ANXA6: variants seen among roughly 807,000 people sequenced by gnomAD.
The protein encoded by ANXA6 is annexin A6.
A neutral mutation model predicts 95.4 loss-of-function variants in ANXA6; 71 were observed. The ratio of observed to expected loss-of-function variants is 0.74; its 90% confidence interval spans 0.61 to 0.91. The LOEUF is 0.91. ANXA6 is among the 40% of genes least tolerant of loss of function. ANXA6 has a pLI of 0.00. For missense variants in ANXA6, 830 were observed against 876.4 expected, an observed-to-expected ratio of 0.95 and a Z score of 0.67; for synonymous variants, 289 against 315.9, an observed-to-expected ratio of 0.91 and a Z score of 0.90.
In ANXA6 at chr5:151,101,065, C is replaced by T. The variant is rs1764533915; in HGVS notation, c.*383G>A. 2 of 477,948 alleles carry T rather than the reference C, an allele frequency of 4.2e-6. No individual in the cohort carries two copies. The highest frequency in any genetic ancestry group is 3.1e-5 in the South Asian group (2 of 64,436). The allele number at this position is 477,948 out of a possible 1,614,324, so 29.6% of individuals were successfully genotyped here. ...CCCGCCCAGCACATTCAACTGGCCCCTGCCACCAACCCCCTCATTCAAAGT... is the reference window on the plus strand; with the variant it reads ...CCCGCCCAGCACATTCAACTGGCCCTTGCCACCAACCCCCTCATTCAAAGT... On this transcript the variant is annotated 3_prime_UTR_variant, in exon 26 of 26. Transcript: ENST00000354546.
At chr5:151,150,766 G>A (rs1280181685) in intron 1 of ANXA6, 1 of 152,620 alleles carries the variant, frequency 6.6e-6, no homozygotes, top group African/African-American at 2.4e-5. Context: ...CCCGGGATGA[G>A]GCTGGAGGCC....
At chr5:151,156,204 C>T (rs913971244) in intron 1 of ANXA6, among the ~76,000 whole-genome samples, 4 of 152,254 alleles carry the variant, frequency 2.6e-5, no homozygotes, top group Non-Finnish European at 5.9e-5. Flanking sequence ...CTGCCCTCCC[C>T]AGTCCCATCC....
chr5:151,118,870 T>C (rs1390888983), intron 18 of ANXA6, among the ~76,000 whole-genome samples: 2 of 152,116 alleles, frequency 1.3e-5, no homozygotes, highest in African/African-American at 4.8e-5. Flanking sequence ...ACCTAGCCGA[T>C]TTAAACATTT....
At chr5:151,145,728 G>A (rs370816145) in intron 2 of ANXA6, among the ~76,000 whole-genome samples, 2 of 152,140 alleles carry the variant, frequency 1.3e-5, no homozygotes, top group Non-Finnish European at 2.9e-5. Context: ...GCAGCTCAAC[G>A]GCAGGGAGGC....
chr5:151,138,425 T>G (rs755066782), intron 5 of ANXA6, among the ~76,000 whole-genome samples: 1 of 152,166 alleles, frequency 6.6e-6, no homozygotes, highest in Non-Finnish European at 1.5e-5. Context: ...GGACACAATT[T>G]GTCTCCATGT....
chr5:151,149,288 A>G (rs188501128), intron 1 of ANXA6, among the ~76,000 whole-genome samples: 1 of 152,210 alleles, frequency 6.6e-6, no homozygotes, highest in East Asian at 1.9e-4. Context: ...GACAGGGTCT[A>G]CAGTGAAGGA....
intron 23 of ANXA6, among the ~76,000 whole-genome samples, chr5:151,107,167 A>G (rs1042707775): frequency 4.6e-5 from 7 of 152,228 alleles, no homozygotes; most frequent in African/African-American, 1.4e-4. Context: ...AACTTTGCGC[A>G]GGGCTTGGTG....
At chr5:151,131,686 T>TC (rs1765517456) in intron 10 of ANXA6, among the ~76,000 whole-genome samples, 2 of 151,872 alleles carry the variant, frequency 1.3e-5, no homozygotes, top group Admixed American at 1.3e-4. Context: ...TCACCGTGAG[T>TC]CCCACTGGCT....
At chr5:151,144,488 G>A (rs1208923691) in intron 2 of ANXA6, among the ~76,000 whole-genome samples, 8 of 152,128 alleles carry the variant, frequency 5.3e-5, no homozygotes, top group African/African-American at 1.4e-4. Context: ...GCCCAAAGTC[G>A]CTAAAGTCAT....
At position 151,112,903 on chromosome 5, in the gene ANXA6, A is replaced by G. The variant is rs185493332; in HGVS notation, c.1573-2259T>C. On this transcript the variant is annotated intron_variant, in intron 20 of 25. Coordinates refer to ENST00000354546, the MANE Select transcript of ANXA6 (RefSeq NM_001155.5). ...AGTCATAAAAGCATAAATACTGTAT[A>G]ATTTCACTTACATGAAGTCCCCAGT... Among the ~76,000 whole-genome samples the G allele has an allele frequency of 1.7e-3, 261 of 152,338 alleles. 1 individual carries two copies. Among genetic ancestry groups the G allele is most frequent in the Non-Finnish European group, 3.1e-3 (208 of 68,030 alleles).
chr5:151,122,761 C>T (rs182318504), intron 16 of ANXA6, among the ~76,000 whole-genome samples, 156 bp downstream of exon 16: 1 of 152,290 alleles, frequency 6.6e-6, no homozygotes, highest in East Asian at 1.9e-4. Context: ...CTGCCCAAAC[C>T]CAGTGCTGGA....
chr5:151,113,653 T>C (rs1419364281), intron 20 of ANXA6, among the ~76,000 whole-genome samples: 1 of 152,098 alleles, frequency 6.6e-6, no homozygotes, highest in African/African-American at 2.4e-5. Flanking sequence ...AAAAAAAAAG[T>C]GGTGGGACAC....
intron 22 of ANXA6, 56 bp downstream of exon 22, chr5:151,109,697 T>C: frequency 2.9e-6 from 4 of 1,384,454 alleles, no homozygotes; most frequent in Non-Finnish European, 4.0e-6. Context: ...TGAGAGGCTC[T>C]CATCAGATTC....
chr5:151,150,319 A>C (rs115645973), intron 1 of ANXA6, among the ~76,000 whole-genome samples: 1 of 152,138 alleles, frequency 6.6e-6, no homozygotes, highest in Non-Finnish European at 1.5e-5. Flanking sequence ...TTTGAGTTCA[A>C]GGTGATCTCA....
chr5:151,104,451 A>T (rs944485520), intron 24 of ANXA6, among the ~76,000 whole-genome samples: 2 of 152,180 alleles, frequency 1.3e-5, no homozygotes, highest in African/African-American at 4.8e-5. Context: ...AGCTATGTAA[A>T]TGTGGGCAAC....
chr5:151,126,779 C>T (rs186593074), intron 13 of ANXA6, among the ~76,000 whole-genome samples: 50 of 152,196 alleles, frequency 3.3e-4, no homozygotes, highest in Non-Finnish European at 8.8e-5. Flanking sequence ...TGCAGTGGCT[C>T]GATCTCAGCT....
At chr5:151,157,143 T>G (rs1205972777) in intron 1 of ANXA6, among the ~76,000 whole-genome samples, 1 of 152,070 alleles carries the variant, frequency 6.6e-6, no homozygotes, top group Non-Finnish European at 1.5e-5. Flanking sequence ...TGGGGTCCAA[T>G]GAGGCCCTGA....
At chr5:151,134,360 G>A in intron 8 of ANXA6, 67 bp downstream of exon 8, 2 of 1,539,884 alleles carry the variant, frequency 1.3e-6, no homozygotes, top group South Asian at 2.2e-5. Context: ...CCTTCCCAGG[G>A]CCCCAACCTC....
At chr5:151,121,422 C>A (rs1014504640) in intron 17 of ANXA6, among the ~76,000 whole-genome samples, 1 of 152,176 alleles carries the variant, frequency 6.6e-6, no homozygotes, top group Non-Finnish European at 1.5e-5. Flanking sequence ...ACAATTGGTA[C>A]CTTGGGAAGC....
Sources: gnomAD v4.1 joint callset for allele counts (sites outside exome capture counted in the v4.1 genomes callset) on GRCh38, gnomAD v4.1.1 for gene constraint, MANE v1.5 for transcripts, NCBI Gene and HGNC (gene_info 2026-07-23, HGNC 2026-07-21) for gene names.